The following GALNT1 variants were observed in gnomAD, a reference collection of about 807,000 sequenced individuals.
The protein encoded by GALNT1 is GalNAc transferase 1.
In GALNT1, 17 loss-of-function variants were observed where a neutral mutation model predicts 65.7. That is an observed-to-expected ratio of 0.26 (90% confidence interval 0.18 to 0.39). GALNT1 has a LOEUF of 0.39. Ranked by LOEUF, GALNT1 falls within the 10% of genes least tolerant of loss-of-function variation. The pLI, the probability that GALNT1 is intolerant of heterozygous loss-of-function variation, is 1.00. For synonymous variants in GALNT1, 210 were observed against 219.7 expected, an observed-to-expected ratio of 0.96 and a Z score of 0.39; for missense variants, 460 against 672.8, an observed-to-expected ratio of 0.68 and a Z score of 3.50.
intron 2 of GALNT1, among the ~76,000 whole-genome samples, chr18:35,659,348 T>G (rs2047443897): frequency 6.6e-6 from 1 of 152,238 alleles, no homozygotes; most frequent in East Asian, 1.9e-4. Flanking sequence ...CTTGCCTGCT[T>G]CAAGGAATAG....
chr18:35,683,641 C>T (rs372073805), intron 5 of GALNT1, 43 bp downstream of exon 5: 1 of 1,494,952 alleles, frequency 6.7e-7, no homozygotes, highest in African/African-American at 1.4e-5. Flanking sequence ...GTACATTTGT[C>T]CTAAACTATA....
chr18:35,666,795 A>G (rs2047555139), intron 3 of GALNT1, among the ~76,000 whole-genome samples: 1 of 152,152 alleles, frequency 6.6e-6, no homozygotes, highest in Non-Finnish European at 1.5e-5. Context: ...GACGAAGTCC[A>G]CTTTTGTGAA....
intron 1 of GALNT1, among the ~76,000 whole-genome samples, chr18:35,640,823 C>T (rs7238085): frequency 0.011 from 1,737 of 152,282 alleles, 32 homozygotes; most frequent in African/African-American, 0.039. Flanking sequence ...GAGAGCTTTC[C>T]ATAAATAGTT....
At chr18:35,650,357 A>G (rs938125856) in intron 1 of GALNT1, among the ~76,000 whole-genome samples, 1 of 152,160 alleles carries the variant, frequency 6.6e-6, no homozygotes, top group African/African-American at 2.4e-5. Flanking sequence ...CACAAGGCAA[A>G]TGGAGGCAGG....
At position 35,709,755 on chromosome 18, in the gene GALNT1, G is replaced by T. The variant is rs771952282; in HGVS notation, c.1665G>T (p.Leu555=). 28 of 1,613,856 alleles carry T rather than the reference G, an allele frequency of 1.7e-5. No homozygotes were observed. The Admixed American group carries it at 4.7e-4, about 27-fold the overall frequency. The change falls in exon 12 of 12, where the codon CTG becomes CTT. Residue 555 remains leucine (L), a synonymous_variant. Transcript: ENST00000269195. The part of the protein sequence containing the change: ...SQQWLLRNVT[L]PEIF ...AGTGGCTTCTTCGAAACGTCACCCT[G>T]CCAGAAATATTCTGAGACCAAATTT...
chr18:35,706,927 T>A (rs1269186958), intron 11 of GALNT1, among the ~76,000 whole-genome samples: 1 of 152,112 alleles, frequency 6.6e-6, no homozygotes, highest in Non-Finnish European at 1.5e-5. Context: ...CCCTAGAAAT[T>A]AAACCCAGGA....
chr18:35,583,985 A>T (rs1353011304), intron 1 of GALNT1, among the ~76,000 whole-genome samples: 2 of 152,192 alleles, frequency 1.3e-5, no homozygotes, highest in African/African-American at 4.8e-5. Flanking sequence ...TAGGTAGCTA[A>T]ATTCCAGACA....
At chr18:35,684,245 T>TGTTAACATTCAA (rs3837906) in intron 5 of GALNT1, among the ~76,000 whole-genome samples, 16,026 of 152,206 alleles carry the variant, frequency 0.11, 1,094 homozygotes, top group African/African-American at 0.2. Flanking sequence ...AGACTGTCCA[T>TGTTAACATTCAA]GTTTAGATTT....
At chr18:35,612,698 T>C (rs952910332) in intron 1 of GALNT1, among the ~76,000 whole-genome samples, 2 of 152,128 alleles carry the variant, frequency 1.3e-5, no homozygotes, top group Admixed American at 6.5e-5. Context: ...ACTCTGTCTT[T>C]GCTAAAAATA....
At chr18:35,645,523 C>T (rs926834317) in intron 1 of GALNT1, among the ~76,000 whole-genome samples, 1 of 152,142 alleles carries the variant, frequency 6.6e-6, no homozygotes, top group Non-Finnish European at 1.5e-5. Context: ...AGCTGCCGCA[C>T]CTGGCCGGTT....
chr18:35,601,558 A>G (rs1442817072), intron 1 of GALNT1, among the ~76,000 whole-genome samples: 1 of 151,756 alleles, frequency 6.6e-6, no homozygotes, highest in Non-Finnish European at 1.5e-5. Flanking sequence ...TACTGTTTTG[A>G]TGTAGATGTT....
rs1235488606 is a variant in GALNT1, at chr18:35,653,709, T to C, written c.-103-851T>C. 1.3e-5 allele frequency among the ~76,000 whole-genome samples: 2 copies of C among 152,222 alleles called. 1 individual carries two copies. Among genetic ancestry groups the C allele is most frequent in the South Asian group, 4.1e-4 (2 of 4,834 alleles). On this transcript the variant is annotated intron_variant, in intron 1 of 11. Coordinates refer to ENST00000269195, the MANE Select transcript of GALNT1 (RefSeq NM_020474.4). ...GAATTCCTTACGCTTAAGACACCTA[T>C]GCTCAAACTATCCCAAATGACTTTT...
intron 1 of GALNT1, among the ~76,000 whole-genome samples, chr18:35,594,441 C>A (rs541525004): frequency 2.0e-5 from 3 of 151,840 alleles, no homozygotes; most frequent in African/African-American, 7.3e-5. Flanking sequence ...GAGAGGGGGT[C>A]CAGGAGAGGA....
chr18:35,662,097 G>A (rs1464750329), intron 2 of GALNT1, among the ~76,000 whole-genome samples: 1 of 152,064 alleles, frequency 6.6e-6, no homozygotes, highest in Non-Finnish European at 1.5e-5. Context: ...GACTATACGA[G>A]TTTAACAGTA....
At chr18:35,628,354 C>T (rs1005931523) in intron 1 of GALNT1, among the ~76,000 whole-genome samples, 1 of 152,142 alleles carries the variant, frequency 6.6e-6, no homozygotes, top group Non-Finnish European at 1.5e-5. Flanking sequence ...GGCCGGGTAC[C>T]CCTCTGAGCT....
intron 11 of GALNT1, among the ~76,000 whole-genome samples, chr18:35,708,248 GA>G (rs1003987020): frequency 6.6e-6 from 1 of 150,600 alleles, no homozygotes; most frequent in Non-Finnish European, 1.5e-5. Context: ...ATTAAAAAAA[GA>G]AAAAAAAATT....
At chr18:35,648,834 A>T (rs1046038572) in intron 1 of GALNT1, among the ~76,000 whole-genome samples, 1 of 152,212 alleles carries the variant, frequency 6.6e-6, no homozygotes, top group African/African-American at 2.4e-5. Context: ...CCCCCAGCCC[A>T]AGAAAGTTAT....
chr18:35,709,181 G>A (rs562933614), intron 11 of GALNT1, among the ~76,000 whole-genome samples: 37 of 152,326 alleles, frequency 2.4e-4, no homozygotes, highest in Non-Finnish European at 3.7e-4. Flanking sequence ...TTATCATAGA[G>A]AAATGAAACA....
chr18:35,683,530 C>A lies in GALNT1; in HGVS notation c.621C>A (p.Phe207Leu). Residue 207 changes from phenylalanine to leucine, a missense_variant, in exon 5 of 12, where the codon TTC becomes TTA. Transcript: ENST00000269195. ...TGTCTAAAGGCCAAGTGATCACCTT[C>A]CTGGATGCCCATTGTGAGTGTACAG... ...AAVSKGQVIT[F>L]LDAHCECTVG... is the part of the protein sequence containing the mutation. 1 of 1,613,854 alleles carries A rather than the reference C, an allele frequency of 6.2e-7. No individual in the cohort carries two copies.
Sources: gnomAD v4.1 joint callset for allele counts (sites outside exome capture counted in the v4.1 genomes callset) on GRCh38, gnomAD v4.1.1 for gene constraint, MANE v1.5 for transcripts, NCBI Gene and HGNC (gene_info 2026-07-23, HGNC 2026-07-21) for gene names.